DGKH: variants seen among roughly 807,000 people sequenced by gnomAD.
The protein encoded by DGKH is DAG kinase eta.
A neutral mutation model predicts 159.3 loss-of-function variants in DGKH; 90 were observed. That is an observed-to-expected ratio of 0.57 (90% CI 0.48 to 0.67). The LOEUF is 0.67. DGKH is among the 30% of genes least tolerant of loss of function. The pLI is 0.00. For synonymous variants in DGKH, 536 were observed against 553.8 expected (o/e 0.97, Z 0.45); for missense variants, 1,181 against 1,506.1 (o/e 0.78, Z 3.57).
At chr13:42,129,800 A>T (rs1955252067) in intron 3 of DGKH, among the ~76,000 whole-genome samples, 168 bp downstream of exon 3, 1 of 152,184 alleles carries the variant, frequency 6.6e-6, no homozygotes, top group South Asian at 2.1e-4. Context: ...ACCCAGTACC[A>T]GTTATGACTC....
intron 12 of DGKH, among the ~76,000 whole-genome samples, chr13:42,175,432 C>T (rs1403207692): frequency 1.3e-5 from 2 of 152,008 alleles, no homozygotes; most frequent in African/African-American, 4.8e-5. Context: ...ATTCCATAAA[C>T]ATAACACATT....
chr13:42,093,335 G>T (rs956309051), intron 1 of DGKH, among the ~76,000 whole-genome samples: 2 of 151,994 alleles, frequency 1.3e-5, no homozygotes, highest in African/African-American at 4.8e-5. Context: ...CCACTAGGAT[G>T]GCTGCTCTTA....
chr13:42,172,122 C>G (rs1263087684), intron 11 of DGKH, among the ~76,000 whole-genome samples: 5 of 150,626 alleles, frequency 3.3e-5, no homozygotes, highest in East Asian at 2.0e-4. Context: ...GCCACCACAC[C>G]CAGCCTCTTT....
rs1958534858 is a variant in DGKH, at chr13:42,242,598, A to G, written c.*13410A>G. The G allele has an allele frequency of 6.6e-6, 1 of 152,192 alleles. No homozygotes were observed. The highest frequency in any genetic ancestry group is 2.4e-5 in the African/African-American group (1 of 41,450). The allele number at this position is 152,192 out of a possible 1,614,324, so 9.4% of individuals were successfully genotyped here. On this transcript the variant is annotated 3_prime_UTR_variant, in exon 30 of 30. Transcript: ENST00000337343. ...ATATTTATTGCCTACTATTTTAAAGATGTTTTATGTGTTTTCACCTTTGGA... is the reference window on the plus strand; with the variant it reads ...ATATTTATTGCCTACTATTTTAAAGGTGTTTTATGTGTTTTCACCTTTGGA...
chr13:42,129,461 C>A, intron 2 of DGKH, 91 bp from the exon 3 acceptor site: 1 of 1,079,910 alleles, frequency 9.3e-7, no homozygotes, highest in Non-Finnish European at 1.3e-6. Context: ...CCCCCATTTT[C>A]TATTCCTAAT....
At chr13:42,151,471 A>G (rs61959231) in intron 3 of DGKH, among the ~76,000 whole-genome samples, 51,384 of 136,794 alleles carry the variant, frequency 0.38, 9,794 homozygotes, top group Non-Finnish European at 0.44. Flanking sequence ...ACTGAGTAGT[A>G]TTCCATGGTG....
intron 1 of DGKH, among the ~76,000 whole-genome samples, chr13:42,052,225 T>G (rs1881377003): frequency 6.6e-6 from 1 of 152,246 alleles, no homozygotes; most frequent in Non-Finnish European, 1.5e-5. Flanking sequence ...AATCCTCATG[T>G]GTATTTTAGC....
At chr13:42,191,779 A>T (rs1034400659) in intron 16 of DGKH, among the ~76,000 whole-genome samples, 7 of 152,234 alleles carry the variant, frequency 4.6e-5, no homozygotes, top group African/African-American at 1.7e-4. Context: ...TATGAAGCTA[A>T]ATAAGTAAAA....
At chr13:42,056,605 C>T (rs567789452) in intron 1 of DGKH, among the ~76,000 whole-genome samples, 6 of 152,276 alleles carry the variant, frequency 3.9e-5, no homozygotes, top group South Asian at 4.1e-4. Flanking sequence ...TGCTGAGTAA[C>T]GGACAAAGCT....
chr13:42,130,375 G>C (rs1351610276), intron 3 of DGKH, among the ~76,000 whole-genome samples: 1 of 151,988 alleles, frequency 6.6e-6, no homozygotes, highest in Non-Finnish European at 1.5e-5. Flanking sequence ...TTTTTTTCCA[G>C]CTTCTTTCAT....
At position 42,189,385 on chromosome 13, in the gene DGKH, G is replaced by C. The variant is rs1251821819; in HGVS notation, c.1912+76G>C. 5.1e-6 allele frequency: 8 copies of C among 1,574,276 alleles called. No individual in the cohort carries two copies. In the African/African-American group the frequency reaches 1.1e-4, roughly 21 times the overall value. On this transcript the variant is annotated intron_variant, in intron 15 of 29. Transcript: ENST00000337343. ...CAAGCATAACGGAGTTTCCATAGTG[G>C]TCAGATTGGACACACTTTTTAAAAA...
rs11287579 is a variant in DGKH at position 42,148,944 on chromosome 13, C to CT, written c.385-6326dup. Among the ~76,000 whole-genome samples, 379 of 80,044 alleles carry CT rather than the reference C, an allele frequency of 4.7e-3. 2 individuals carry two copies. The highest frequency in any genetic ancestry group is 0.011 in the South Asian group (23 of 2,068). 52.5% of individuals were successfully genotyped at this position (80,044 alleles called of 152,430 possible). ...CCACCCACAACCCCGCCCGCCCCTT[C>CT]TTTTTTTTTTTTTTTTTTTTTGAGA... On this transcript the variant is annotated intron_variant, in intron 3 of 29. Coordinates refer to ENST00000337343, the MANE Select transcript of DGKH (RefSeq NM_178009.5).
At chr13:42,124,053 T>C (rs1405845252) in intron 1 of DGKH, among the ~76,000 whole-genome samples, 1 of 152,220 alleles carries the variant, frequency 6.6e-6, no homozygotes, top group Non-Finnish European at 1.5e-5. Context: ...AATAAAGTTG[T>C]AAATTTTTTT....
chr13:42,152,856 C>T (rs1955945575), intron 3 of DGKH, among the ~76,000 whole-genome samples: 1 of 145,578 alleles, frequency 6.9e-6, no homozygotes, highest in African/African-American at 2.8e-5. Flanking sequence ...AGTTCAAACC[C>T]ATTGTGGGAG....
chr13:42,129,239 T>C (rs1054975080), intron 2 of DGKH, among the ~76,000 whole-genome samples: 6 of 152,202 alleles, frequency 3.9e-5, no homozygotes, highest in Non-Finnish European at 2.9e-5. Context: ...AGACATTGCA[T>C]TGTGCATGTG....
At chr13:42,171,286 C>T (rs1026421752) in intron 11 of DGKH, among the ~76,000 whole-genome samples, 12 of 152,148 alleles carry the variant, frequency 7.9e-5, no homozygotes, top group South Asian at 2.1e-4. Flanking sequence ...AGTAATAGAA[C>T]GGGCATGGTA....
At chr13:42,172,383 A>G (rs1434751362) in intron 11 of DGKH, among the ~76,000 whole-genome samples, 1 of 152,114 alleles carries the variant, frequency 6.6e-6, no homozygotes, top group Non-Finnish European at 1.5e-5. Context: ...CTCCCAAAGT[A>G]AATTTCTTTT....
intron 3 of DGKH, among the ~76,000 whole-genome samples, chr13:42,130,861 A>G (rs756687601): frequency 7.9e-5 from 12 of 152,062 alleles, no homozygotes; most frequent in Non-Finnish European, 1.6e-4. Flanking sequence ...AGCCAAGAAT[A>G]GAGTCCTGGG....
intron 13 of DGKH, chr13:42,181,621 G>A (rs1956765049): frequency 3.2e-6 from 1 of 314,966 alleles, no homozygotes; most frequent in Non-Finnish European, 6.9e-6. Context: ...AGAGGCTCCT[G>A]GTAAGTGATG....
Sources: gnomAD v4.1 joint callset for allele counts (sites outside exome capture counted in the v4.1 genomes callset) on GRCh38, gnomAD v4.1.1 for gene constraint, MANE v1.5 for transcripts, NCBI Gene and HGNC (gene_info 2026-07-23, HGNC 2026-07-21) for gene names.